Variants in NCAM2 observed in about 807,000 individuals in gnomAD.
NCAM2 encodes N-CAM-2.
A neutral mutation model predicts 98.1 loss-of-function variants in NCAM2; 30 were observed. The observed-to-expected ratio is 0.31, with a 90% CI of 0.23 to 0.41. NCAM2 has a LOEUF of 0.41. Ranked by LOEUF, NCAM2 falls within the 10% of genes least tolerant of loss-of-function variation. NCAM2 has a pLI of 1.00. For missense variants in NCAM2, 867 were observed against 1,005.8 expected, an observed-to-expected ratio of 0.86 and a Z score of 1.87; for synonymous variants, 368 against 342.4, an observed-to-expected ratio of 1.07 and a Z score of -0.83.
At chr21:21,264,591 A>G (rs2072052189) in intron 1 of NCAM2, among the ~76,000 whole-genome samples, 1 of 151,468 alleles carries the variant, frequency 6.6e-6, no homozygotes, top group Admixed American at 6.6e-5. Flanking sequence ...TATAGAATCA[A>G]CCTAAGTGTC....
Position 21,335,672 on chromosome 21 carries a change from A to T in NCAM2, c.898+7A>T. 1 of 1,591,840 alleles carries T rather than the reference A, an allele frequency of 6.3e-7. No individual in the cohort carries two copies. The highest frequency in any genetic ancestry group is 8.5e-7 in the Non-Finnish European group (1 of 1,170,838). On this transcript the variant is annotated splice_region_variant and intron_variant, in intron 7 of 17. Transcript: ENST00000400546. The stretch of plus-strand genomic sequence containing the variant: ...GCTTTCCTCCAAGTCTTTGGTAAGT[A>T]TTATAGCATAGTGGCTAAAACTGTT...
intron 5 of NCAM2, among the ~76,000 whole-genome samples, chr21:21,306,196 A>T (rs2073874433): frequency 6.6e-6 from 1 of 152,172 alleles, no homozygotes; most frequent in African/African-American, 2.4e-5. Flanking sequence ...ATTATCAGTT[A>T]GGTTACAGTC....
At chr21:21,368,464 C>T (rs557244974) in intron 8 of NCAM2, among the ~76,000 whole-genome samples, 3 of 151,868 alleles carry the variant, frequency 2.0e-5, no homozygotes, top group African/African-American at 7.2e-5. Context: ...AGTCTGTTCA[C>T]GCTGCTATAA....
At chr21:21,415,984 T>C (rs1480530344) in intron 10 of NCAM2, among the ~76,000 whole-genome samples, 1 of 152,188 alleles carries the variant, frequency 6.6e-6, no homozygotes, top group Non-Finnish European at 1.5e-5. Flanking sequence ...TCAGGAACTC[T>C]CTCTTCACAT....
intron 8 of NCAM2, among the ~76,000 whole-genome samples, chr21:21,367,148 C>T (rs376910721): frequency 4.6e-5 from 7 of 152,040 alleles, no homozygotes; most frequent in African/African-American, 9.6e-5. Flanking sequence ...TTTCTCTTTG[C>T]GGTTTTCATA....
At chr21:21,400,371 T>G (rs2076602095) in intron 9 of NCAM2, among the ~76,000 whole-genome samples, 1 of 152,142 alleles carries the variant, frequency 6.6e-6, no homozygotes, top group Non-Finnish European at 1.5e-5. Flanking sequence ...AAGAGCATAG[T>G]TCCTTGTTTT....
intron 1 of NCAM2, among the ~76,000 whole-genome samples, chr21:21,078,227 C>T (rs1012433271): frequency 1.3e-5 from 2 of 152,084 alleles, no homozygotes; most frequent in African/African-American, 4.8e-5. Context: ...ATAGTGCATT[C>T]ATGTATTAGA....
In NCAM2 at chr21:21,468,739, G is replaced by A. The variant is rs757374731; in HGVS notation, c.1852G>A (p.Asp618Asn). 3 of 1,611,890 alleles carry A rather than the reference G, an allele frequency of 1.9e-6. No homozygotes were observed. Among genetic ancestry groups the A allele is most frequent in the African/African-American group, 1.3e-5 (1 of 74,768 alleles). ...SFKLSITKQDDGGAPILEYIV... is the reference protein window; with the variant it reads ...SFKLSITKQDNGGAPILEYIV... ...TAAACTCAGCATCACCAAACAGGAC[G>A]ATGGAGGGGCCCCTATTTTGGAATA... Residue 618 changes from aspartate to asparagine, a missense_variant, in exon 14 of 18, where the codon GAT (aspartate) becomes AAT (asparagine). Asp to Asn is a conservative substitution (Grantham distance 23). Coordinates refer to ENST00000400546, the MANE Select transcript of NCAM2 (RefSeq NM_004540.5).
intron 11 of NCAM2, among the ~76,000 whole-genome samples, chr21:21,428,817 G>C (rs1413434111): frequency 6.6e-6 from 1 of 152,170 alleles, no homozygotes; most frequent in Non-Finnish European, 1.5e-5. Context: ...TATTCACTTA[G>C]ATATGTTCTG....
intron 9 of NCAM2, among the ~76,000 whole-genome samples, chr21:21,402,421 C>A (rs1468929897): frequency 1.3e-5 from 2 of 152,056 alleles, no homozygotes; most frequent in African/African-American, 2.4e-5. Context: ...GATTGGGAAA[C>A]CCCAGCCCTG....
intron 8 of NCAM2, among the ~76,000 whole-genome samples, chr21:21,352,636 A>C (rs2075372005): frequency 6.6e-6 from 1 of 151,760 alleles, no homozygotes; most frequent in African/African-American, 2.4e-5. Context: ...TCAAGATATA[A>C]GACCTACCTG....
At chr21:21,487,723 C>T (rs902853868) in intron 15 of NCAM2, among the ~76,000 whole-genome samples, 12 of 152,196 alleles carry the variant, frequency 7.9e-5, no homozygotes, top group East Asian at 1.9e-4. Context: ...ATTTTACAGT[C>T]AACGTTACTG....
At chr21:21,452,399 T>A (rs1176345782) in intron 12 of NCAM2, among the ~76,000 whole-genome samples, 2 of 147,320 alleles carry the variant, frequency 1.4e-5, no homozygotes, top group East Asian at 3.9e-4. Context: ...TTGCTAGAGA[T>A]TCCATAGTGA....
intron 1 of NCAM2, among the ~76,000 whole-genome samples, chr21:21,043,627 C>T (rs1601185011): frequency 6.6e-6 from 1 of 151,346 alleles, no homozygotes; most frequent in East Asian, 1.9e-4. Context: ...TATAGGTGGG[C>T]GGGTCACAAG....
At chr21:21,413,787 G>T (rs7280944) in intron 10 of NCAM2, among the ~76,000 whole-genome samples, 44,903 of 152,032 alleles carry the variant, frequency 0.3, 6,962 homozygotes, top group East Asian at 0.48. Flanking sequence ...TTACTGATCA[G>T]AATGTTGATT....
intron 15 of NCAM2, among the ~76,000 whole-genome samples, chr21:21,500,077 A>G (rs978217536): frequency 6.6e-6 from 1 of 152,150 alleles, no homozygotes; most frequent in Admixed American, 6.5e-5. Context: ...GCTCTTCTCT[A>G]GATATATACA....
At position 21,336,281 on chromosome 21, in the gene NCAM2, A is replaced by T. The variant is rs192068790; in HGVS notation, c.898+616A>T. ...CCCTTTAATTAGTGTAACACTAAAA[A>T]ATATATGCCCTATTAACATTTAATA... On this transcript the variant is annotated intron_variant, in intron 7 of 17. Transcript: ENST00000400546. Among the ~76,000 whole-genome samples, 24 of 152,250 alleles carry T rather than the reference A, an allele frequency of 1.6e-4. No homozygotes were observed. In the East Asian group the frequency reaches 3.5e-3, roughly 22 times the overall value.
chr21:21,062,040 A>C lies in NCAM2; in HGVS notation c.55+63422A>C, dbSNP rs569273203. Among the ~76,000 whole-genome samples the C allele has an allele frequency of 1.1e-4, 17 of 152,258 alleles. 1 individual carries two copies. In the South Asian group the frequency reaches 3.1e-3, roughly 28 times the overall value. ...CAAGATACACCATCTCTCCTCACTTAAATGATAAAGGGAGGTATCACTCCT... is the reference window on the plus strand; with the variant it reads ...CAAGATACACCATCTCTCCTCACTTCAATGATAAAGGGAGGTATCACTCCT... On this transcript the variant is annotated intron_variant, in intron 1 of 17. Coordinates refer to ENST00000400546, the MANE Select transcript of NCAM2 (RefSeq NM_004540.5).
intron 12 of NCAM2, among the ~76,000 whole-genome samples, chr21:21,460,792 T>C (rs1982861086): frequency 6.6e-6 from 1 of 151,816 alleles, no homozygotes; most frequent in Admixed American, 6.6e-5. Context: ...ATAATGAGGG[T>C]GTGATCAATA....
Sources: allele counts gnomAD v4.1 joint callset (sites outside exome capture counted in the v4.1 genomes callset), GRCh38; gene constraint gnomAD v4.1.1; transcripts MANE v1.5; gene names NCBI Gene and HGNC (gene_info 2026-07-23, HGNC 2026-07-21).